KRT17: variants seen among roughly 807,000 people sequenced by gnomAD.
The protein encoded by KRT17 is keratin, type I cytoskeletal 17.
In KRT17, 29 loss-of-function variants were observed where a neutral mutation model predicts 45.6. The observed-to-expected ratio is 0.64, with a 90% confidence interval of 0.47 to 0.87. KRT17 has a LOEUF of 0.87. KRT17 is among the 40% of genes least tolerant of loss of function. KRT17 has a pLI of 0.00. For missense variants in KRT17, 536 were observed against 577.8 expected, an observed-to-expected ratio of 0.93 and a Z score of 0.74; for synonymous variants, 219 against 234.6, an observed-to-expected ratio of 0.93 and a Z score of 0.61.
intron 7 of KRT17, 145 bp downstream of exon 7, chr17:41,620,391 T>G: frequency 6.3e-7 from 1 of 1,584,952 alleles, no homozygotes; most frequent in Non-Finnish European, 8.6e-7. Flanking sequence ...TGAGTATCAA[T>G]CCTCAGTGCT....
intron 1 of KRT17, 82 bp downstream of exon 1, chr17:41,623,996 G>A: frequency 6.3e-7 from 1 of 1,593,672 alleles, no homozygotes. Context: ...CCCTATGGCT[G>A]GACTCCAGGC....
In KRT17 at chr17:41,621,771, T is replaced by C. The variant is rs1908552624; in HGVS notation, c.673-17A>G. ...GTTCATCTCCTATGGAAAAAGGGGA[T>C]GTGGATGTGCGCATCTGGACCCATC... is the stretch of plus-strand genomic sequence containing the variant. On this transcript the variant is annotated splice_polypyrimidine_tract_variant and intron_variant, in intron 3 of 7. Transcript: ENST00000311208. The C allele has an allele frequency of 3.1e-6, 5 of 1,611,890 alleles. No homozygotes were observed. In the South Asian group the frequency reaches 4.4e-5, roughly 14 times the overall value.
rs754643287 is a variant in KRT17, at chr17:41,619,668, G to C, written c.1225C>G (p.Arg409Gly). 1 of 1,612,076 alleles carries C rather than the reference G, an allele frequency of 6.2e-7. No individual in the cohort carries two copies. Among genetic ancestry groups the C allele is most frequent in the Non-Finnish European group, 8.5e-7 (1 of 1,180,010 alleles). ...TCCTGGACCTCTTCCACAATGGTAC[G>C]CACCTGACGGGTGGTCACCGCTGCA... ...KKEPVTTRQV[R>G]TIVEEVQDGK... is the part of the protein sequence containing the mutation. The change falls in exon 8 of 8, where the codon CGT becomes GGT. Residue 409 changes from arginine (R) to glycine (G), a missense_variant. By Grantham distance (125) the Arg-to-Gly change is moderately radical. Transcript: ENST00000311208.
chr17:41,620,519 G>T lies in KRT17; in HGVS notation c.1204+17C>A, dbSNP rs751031889. The T allele has an allele frequency of 6.2e-6, 10 of 1,611,806 alleles. No individual in the cohort carries two copies. In the Admixed American group the frequency reaches 1.2e-4, roughly 19 times the overall value. ...CATGCACCCAACCCCCAGGGCCGAA[G>T]CCACGCAGATACTTACGTTCTTTCT... On this transcript the variant is annotated intron_variant, in intron 7 of 7. Transcript: ENST00000311208.
Position 41,619,470 on chromosome 17 carries a change from C to T in KRT17, c.*124G>A. 6.5e-7 allele frequency: 1 copy of T among 1,546,522 alleles called. No individual in the cohort carries two copies. Among genetic ancestry groups the T allele is most frequent in the Non-Finnish European group, 8.8e-7 (1 of 1,130,324 alleles). Reference sequence around the variant, plus strand: ...CTGAGTCAACAAGCTTTATTGTCATCAGGCAAGGAAGCATGGGGAAGGGAC... The same window carrying T: ...CTGAGTCAACAAGCTTTATTGTCATTAGGCAAGGAAGCATGGGGAAGGGAC... On this transcript the variant is annotated 3_prime_UTR_variant, in exon 8 of 8. Coordinates refer to ENST00000311208, the MANE Select transcript of KRT17 (RefSeq NM_000422.3).
At chr17:41,621,118 G>T (rs1223509818) in intron 4 of KRT17, 27 bp from the exon 5 acceptor site, 2 of 1,613,064 alleles carry the variant, frequency 1.2e-6, no homozygotes, top group South Asian at 2.2e-5. Flanking sequence ...GGACAGGGCG[G>T]TGTGAGCCTG....
In KRT17 at chr17:41,619,679, G is replaced by A; in HGVS notation, c.1214C>T (p.Thr405Ile). Residue 405 changes from threonine (T) to isoleucine (I), a missense_variant, in exon 8 of 8, where the codon ACC becomes ATC. By Grantham distance (89) the Thr-to-Ile change is moderately conservative (BLOSUM62 -1). Transcript: ENST00000311208. Reference protein sequence around the residue: ...LTQYKKEPVTTRQVRTIVEEV... With the variant: ...LTQYKKEPVTIRQVRTIVEEV... ...TTCCACAATGGTACGCACCTGACGG[G>A]TGGTCACCGCTGCAGGAGAAGCAGG... The A allele has an allele frequency of 8.7e-6, 14 of 1,612,212 alleles. No homozygotes were observed. Among genetic ancestry groups the A allele is most frequent in the African/African-American group, 1.3e-5 (1 of 74,980 alleles).
At chr17:41,622,633 G>A (rs975835686) in intron 2 of KRT17, 122 bp from the exon 3 acceptor site, 34 of 1,176,326 alleles carry the variant, frequency 2.9e-5, no homozygotes, top group African/African-American at 4.5e-5. Context: ...TGAGAGGGTC[G>A]AGTGGAAACG....
rs561817606 is a variant in KRT17, at chr17:41,620,626, C to T, written c.1181+33G>A. ...TGAGAGCCCCACCCCTGCCAAGAGA[C>T]CCCCAGCCCTGACCCCAGGCGCCCC... On this transcript the variant is annotated intron_variant, in intron 6 of 7. Coordinates refer to ENST00000311208, the MANE Select transcript of KRT17 (RefSeq NM_000422.3). The T allele has an allele frequency of 2.5e-6, 4 of 1,611,332 alleles. No individual in the cohort carries two copies. The African/African-American group carries it at 4.0e-5, about 16-fold the overall frequency.
In KRT17 at chr17:41,623,007, G is replaced by A; in HGVS notation, c.458C>T (p.Ala153Val). 6.2e-7 allele frequency: 1 copy of A among 1,613,390 alleles called. No homozygotes were observed. Among genetic ancestry groups the A allele is most frequent in the Admixed American group, 1.7e-5 (1 of 60,020 alleles). The change falls in exon 2 of 8, where the codon GCC becomes GTC. Residue 153 changes from alanine (A) to valine (V), a missense_variant. Ala to Val is a moderately conservative substitution (Grantham distance 64). Transcript: ENST00000311208. ...NKILTATVDN[A>V]NILLQIDNAR... ...ATTGTCAATCTGTAGCAGGATGTTG[G>A]CATTGTCCACGGTGGCTGTGAGGAT...
Position 41,623,107 on chromosome 17 carries a change from C to T in KRT17, c.433-75G>A, listed in dbSNP as rs548599285. On this transcript the variant is annotated intron_variant, in intron 1 of 7. Coordinates refer to ENST00000311208, the MANE Select transcript of KRT17 (RefSeq NM_000422.3). ...CACACCAGGGTTCTGAGCAGATCTT[C>T]CTGCCTCAGGGCCTCTCTTCTCGCC... The T allele has an allele frequency of 9.6e-6, 11 of 1,144,930 alleles. No individual in the cohort carries two copies. In the South Asian group the frequency reaches 1.1e-4, roughly 11 times the overall value. 70.9% of individuals were successfully genotyped at this position (1,144,930 alleles called of 1,614,324 possible).
chr17:41,623,068 G>C (rs773495079), intron 1 of KRT17, 36 bp from the exon 2 acceptor site: 8 of 1,527,388 alleles, frequency 5.2e-6, no homozygotes, highest in Non-Finnish European at 7.3e-6. Context: ...TCATTGGATG[G>C]GGGTGGCTGA....
intron 6 of KRT17, 21 bp downstream of exon 6, chr17:41,620,638 A>G (rs745983417): frequency 1.9e-5 from 30 of 1,610,508 alleles, no homozygotes; most frequent in Non-Finnish European, 2.5e-5. Flanking sequence ...CCCAGCCCTG[A>G]CCCCAGGCGC....
In KRT17 at chr17:41,621,630, T is replaced by C; in HGVS notation, c.797A>G (p.Lys266Arg). 1.2e-6 allele frequency: 2 copies of C among 1,612,178 alleles called. No individual in the cohort carries two copies. The highest frequency in any genetic ancestry group is 1.3e-5 in the African/African-American group (1 of 74,994). ...MRDQYEKMAE[K>R]NRKDAEDWFF... ...CCAATCCTCGGCATCCTTGCGGTTC[T>C]TCTCTGCCATCTTCTCATACTGGTC... Residue 266 changes from lysine to arginine, a missense_variant, in exon 4 of 8, where the codon AAG (lysine) becomes AGG (arginine). Coordinates refer to ENST00000311208, the MANE Select transcript of KRT17 (RefSeq NM_000422.3).
At chr17:41,621,780 G>A (rs529066129) in intron 3 of KRT17, 26 bp from the exon 4 acceptor site, 6 of 1,611,872 alleles carry the variant, frequency 3.7e-6, no homozygotes, top group African/African-American at 1.3e-5. Flanking sequence ...ATGTGGATGT[G>A]CGCATCTGGA....
In KRT17 at chr17:41,619,609, G is replaced by C. The variant is rs1478296843; in HGVS notation, c.1284C>G (p.His428Gln). ...AGCTGAGTCCTCAGCGGGTGGTCTGGTGGACCTGCTCGCGGGAGGAGATGA... is the reference window on the plus strand; with the variant it reads ...AGCTGAGTCCTCAGCGGGTGGTCTGCTGGACCTGCTCGCGGGAGGAGATGA... ...GKVISSREQV[H>Q]QTTR is the part of the protein sequence containing the mutation. Residue 428 changes from histidine (H) to glutamine (Q), a missense_variant, in exon 8 of 8, where the codon CAC becomes CAG. Coordinates refer to ENST00000311208, the MANE Select transcript of KRT17 (RefSeq NM_000422.3). The C allele has an allele frequency of 2.5e-6, 4 of 1,612,208 alleles. No homozygotes were observed.
Position 41,620,837 on chromosome 17 carries a change from A to T in KRT17, c.1003T>A (p.Tyr335Asn). Residue 335 changes from tyrosine to asparagine, a missense_variant, in exon 6 of 8, where the codon TAC (tyrosine) becomes AAC (asparagine). Physicochemically the swap from Tyr to Asn is moderately radical, Grantham distance 143. Coordinates refer to ENST00000311208, the MANE Select transcript of KRT17 (RefSeq NM_000422.3). ...TGGATCTGGGACAGCTGCACGCAGT[A>T]GCGGTTCTCTGTCTCCGCCAGGTTG... ...EGNLAETENRYCVQLSQIQGL... is the reference protein window; with the variant it reads ...EGNLAETENRNCVQLSQIQGL... 1.2e-6 allele frequency: 2 copies of T among 1,613,736 alleles called. No homozygotes were observed. The highest frequency in any genetic ancestry group is 2.2e-5 in the South Asian group (2 of 91,068).
At chr17:41,622,851 C>T (rs1370169626) in intron 2 of KRT17, 99 bp downstream of exon 2, 7 of 1,078,410 alleles carry the variant, frequency 6.5e-6, no homozygotes, top group Non-Finnish European at 1.0e-5. Flanking sequence ...AGCTCCTGGG[C>T]CTTGCCACAA....
chr17:41,624,406 A>G lies in KRT17; in HGVS notation c.104T>C (p.Leu35Pro). 6.2e-7 allele frequency: 1 copy of G among 1,610,408 alleles called. No individual in the cohort carries two copies. The highest frequency in any genetic ancestry group is 8.5e-7 in the Non-Finnish European group (1 of 1,179,538). Residue 35 changes from leucine to proline, a missense_variant, in exon 1 of 8, where the codon CTG becomes CCG. Coordinates refer to ENST00000311208, the MANE Select transcript of KRT17 (RefSeq NM_000422.3). ...SRTSCRLSGG[L>P]GAGSCRLGSA... ...TCCCAGCCTGCAGGAGCCGGCACCC[A>G]GGCCGCCAGACAGCCGGCAGGAGGT...
Sources: gnomAD v4.1 joint callset for allele counts on GRCh38, gnomAD v4.1.1 for gene constraint, MANE v1.5 for transcripts, NCBI Gene and HGNC (gene_info 2026-07-23, HGNC 2026-07-21) for gene names.